The following ARHGAP26 variants were observed in gnomAD, a reference collection of about 807,000 sequenced individuals.
ARHGAP26 encodes Rho GTPase activating protein 26.
Under a neutral mutation model 104.8 loss-of-function variants are expected in ARHGAP26, and 38 were observed. The ratio of observed to expected loss-of-function variants is 0.36; its 90% confidence interval spans 0.28 to 0.48. ARHGAP26 has a LOEUF of 0.48. ARHGAP26 is among the 20% of genes least tolerant of loss of function. ARHGAP26 has a pLI of 0.99. For synonymous variants in ARHGAP26, 341 were observed against 340.0 expected, an observed-to-expected ratio of 1.00 and a Z score of -0.03; for missense variants, 704 against 947.9, an observed-to-expected ratio of 0.74 and a Z score of 3.38.
At chr5:143,076,429 G>C (rs1789033958) in intron 17 of ARHGAP26, among the ~76,000 whole-genome samples, 2 of 151,988 alleles carry the variant, frequency 1.3e-5, no homozygotes, top group Admixed American at 1.3e-4. Context: ...TTGAAATAGA[G>C]CAAAATGCAC....
At chr5:143,029,392 GTTTTTTTTTT>G (rs536919888) in intron 12 of ARHGAP26, among the ~76,000 whole-genome samples, 5,177 of 80,710 alleles carry the variant, frequency 0.064, 281 homozygotes, top group African/African-American at 0.22. Context: ...TTACTTCTCA[GTTTTTTTTTT>G]TTTTTTTTTT....
chr5:143,114,553 C>T (rs937139016), intron 17 of ARHGAP26, among the ~76,000 whole-genome samples: 1 of 152,226 alleles, frequency 6.6e-6, no homozygotes, highest in African/African-American at 2.4e-5. Flanking sequence ...GCTTCATTTC[C>T]AGCTAATCCT....
At chr5:143,166,044 T>A in intron 20 of ARHGAP26, 1 of 1,323,218 alleles carries the variant, frequency 7.6e-7, no homozygotes. Context: ...GGATTTGGAA[T>A]GTGTTTGGAG....
chr5:143,056,828 G>A (rs1422619246), intron 16 of ARHGAP26, among the ~76,000 whole-genome samples: 2 of 152,144 alleles, frequency 1.3e-5, no homozygotes, highest in Non-Finnish European at 1.5e-5. Context: ...GCTACTACTG[G>A]CCTAATTTAG....
chr5:143,198,479 A>T (rs536546579), intron 20 of ARHGAP26, among the ~76,000 whole-genome samples: 1 of 152,338 alleles, frequency 6.6e-6, no homozygotes, highest in Non-Finnish European at 1.5e-5. Flanking sequence ...AAGGTCAATA[A>T]GTATTGTGAG....
chr5:143,125,723 G>A (rs1796650741), intron 18 of ARHGAP26, among the ~76,000 whole-genome samples: 1 of 152,164 alleles, frequency 6.6e-6, no homozygotes, highest in African/African-American at 2.4e-5. Flanking sequence ...ATACAGTCCA[G>A]AAATAATAAT....
intron 1 of ARHGAP26, among the ~76,000 whole-genome samples, chr5:142,854,150 T>C (rs1751972949): frequency 6.6e-6 from 1 of 152,234 alleles, no homozygotes. Context: ...TAAACTCTGT[T>C]ACCTGTATAC....
At chr5:143,014,793 A>T (rs138795795) in intron 12 of ARHGAP26, among the ~76,000 whole-genome samples, 50 of 152,318 alleles carry the variant, frequency 3.3e-4, no homozygotes, top group African/African-American at 1.2e-3. Context: ...TGGGCTGATT[A>T]TCTCCTTGGT....
intron 11 of ARHGAP26, among the ~76,000 whole-genome samples, chr5:142,986,876 G>A (rs1598493876): frequency 6.6e-6 from 1 of 152,134 alleles, no homozygotes; most frequent in East Asian, 1.9e-4. Flanking sequence ...CTCTGTTTTG[G>A]TACCAGTACC....
At chr5:142,907,206 G>A (rs1354347692) in intron 8 of ARHGAP26, 1 of 152,204 alleles carries the variant, frequency 6.6e-6, no homozygotes, top group Admixed American at 6.5e-5. Flanking sequence ...AGTAAGTTAG[G>A]GGTTTGGAAG....
At chr5:142,968,356 A>G (rs1771730914) in intron 11 of ARHGAP26, among the ~76,000 whole-genome samples, 2 of 152,224 alleles carry the variant, frequency 1.3e-5, no homozygotes, top group Non-Finnish European at 2.9e-5. Context: ...TTATTTCCTT[A>G]TTAAAAATAA....
chr5:143,183,941 G>T (rs1021462041), intron 20 of ARHGAP26, among the ~76,000 whole-genome samples: 2 of 152,160 alleles, frequency 1.3e-5, no homozygotes, highest in African/African-American at 4.8e-5. Context: ...AAAGATTGAT[G>T]CTCCTGCCTT....
intron 20 of ARHGAP26, among the ~76,000 whole-genome samples, chr5:143,149,268 G>A (rs1799528752): frequency 6.6e-6 from 1 of 152,098 alleles, no homozygotes; most frequent in Non-Finnish European, 1.5e-5. Context: ...AAGTGTGGGT[G>A]TGCCTCCAAC....
chr5:142,986,770 C>G (rs1185454615), intron 11 of ARHGAP26, among the ~76,000 whole-genome samples: 2 of 152,140 alleles, frequency 1.3e-5, no homozygotes, highest in African/African-American at 4.8e-5. Flanking sequence ...GAATCCTTTC[C>G]CCATTGCTTG....
At chr5:143,191,994 C>T (rs936834177) in intron 20 of ARHGAP26, among the ~76,000 whole-genome samples, 9 of 152,220 alleles carry the variant, frequency 5.9e-5, no homozygotes, top group Admixed American at 2.6e-4. Flanking sequence ...CAGTCTTACC[C>T]TTGGTTTCTG....
intron 11 of ARHGAP26, among the ~76,000 whole-genome samples, chr5:142,959,088 G>T (rs1181878783): frequency 6.6e-6 from 1 of 152,112 alleles, no homozygotes; most frequent in Non-Finnish European, 1.5e-5. Context: ...CCCAGAGAAA[G>T]AAAATTCATT....
chr5:142,783,986 A>G (rs985371127), intron 1 of ARHGAP26, among the ~76,000 whole-genome samples: 4 of 152,198 alleles, frequency 2.6e-5, no homozygotes, highest in Non-Finnish European at 5.9e-5. Flanking sequence ...AGGCCAGGGC[A>G]GGCACTGGAG....
At chr5:143,167,123 A>G (rs1028901390) in intron 20 of ARHGAP26, among the ~76,000 whole-genome samples, 1 of 152,032 alleles carries the variant, frequency 6.6e-6, no homozygotes, top group Non-Finnish European at 1.5e-5. Context: ...ATTGCATTTG[A>G]TATATTCTGT....
chr5:142,873,356 T>A, intron 1 of ARHGAP26, 44 bp from the exon 2 acceptor site: 4 of 1,492,848 alleles, frequency 2.7e-6, no homozygotes, highest in Non-Finnish European at 2.8e-6. Flanking sequence ...GAAAGCCAGT[T>A]TAATTTTAGT....
Sources: allele counts gnomAD v4.1 joint callset (sites outside exome capture counted in the v4.1 genomes callset), GRCh38; gene constraint gnomAD v4.1.1; transcripts MANE v1.5; gene names NCBI Gene and HGNC (gene_info 2026-07-23, HGNC 2026-07-21).